Variants in KCNAB1 observed in about 807,000 individuals in gnomAD.
The protein encoded by KCNAB1 is potassium voltage-gated channel subfamily A regulatory beta subunit 1, also known as voltage-gated potassium channel subunit beta-1.
KCNAB1 carries 35 observed loss-of-function variants against 64.6 expected under a neutral mutation model. The observed-to-expected ratio is 0.54, with a 90% CI of 0.41 to 0.72. KCNAB1 has a LOEUF of 0.72. Ranked by LOEUF, KCNAB1 falls within the 30% of genes least tolerant of loss-of-function variation. The probability of loss-of-function intolerance (pLI) is 0.00; values close to 1 mark genes in which losing one functional copy is unlikely to be tolerated. For missense variants in KCNAB1, 401 were observed against 512.9 expected (o/e 0.78, Z 2.11); for synonymous variants, 177 against 183.8 (o/e 0.96, Z 0.30).
At chr3:156,259,379 G>C (rs1014891243) in intron 1 of KCNAB1, among the ~76,000 whole-genome samples, 1 of 152,188 alleles carries the variant, frequency 6.6e-6, no homozygotes, top group Non-Finnish European at 1.5e-5. Flanking sequence ...GGAAGCCTGA[G>C]ATCAAAAGTC....
intron 1 of KCNAB1, among the ~76,000 whole-genome samples, chr3:156,308,594 T>C (rs1721673306): frequency 1.3e-5 from 2 of 152,248 alleles, no homozygotes; most frequent in South Asian, 4.1e-4. Flanking sequence ...GCTTCTCTTC[T>C]GGGGCTGCCC....
intron 2 of KCNAB1, among the ~76,000 whole-genome samples, chr3:156,444,404 G>A (rs191392791): frequency 2.0e-3 from 312 of 152,290 alleles, no homozygotes; most frequent in African/African-American, 7.1e-3. Context: ...CTGAGATTGG[G>A]AGAATTAATG....
At chr3:156,467,327 C>CA (rs924673953) in intron 7 of KCNAB1, among the ~76,000 whole-genome samples, 17 of 151,674 alleles carry the variant, frequency 1.1e-4, no homozygotes, top group Middle Eastern at 3.4e-3. Flanking sequence ...ATCTGTATTT[C>CA]AAAAAAAATC....
intron 1 of KCNAB1, among the ~76,000 whole-genome samples, chr3:156,144,125 C>A (rs1031732802): frequency 1.3e-5 from 2 of 152,148 alleles, no homozygotes; most frequent in Admixed American, 6.5e-5. Flanking sequence ...ATTGCTCCTG[C>A]ACAAGTGCTT....
chr3:156,510,155 A>G (rs1717105500), intron 8 of KCNAB1, among the ~76,000 whole-genome samples: 1 of 152,234 alleles, frequency 6.6e-6, no homozygotes, highest in South Asian at 2.1e-4. Flanking sequence ...TTCAGAGTCA[A>G]AACTAAACAA....
At chr3:156,373,212 C>T (rs1726430495) in intron 1 of KCNAB1, among the ~76,000 whole-genome samples, 1 of 152,136 alleles carries the variant, frequency 6.6e-6, no homozygotes, top group South Asian at 2.1e-4. Flanking sequence ...TTATTTCATC[C>T]CAACACAACA....
rs34730584 is a variant in KCNAB1 at position 156,354,120 on chromosome 3, G to GTATATATATATATATA, written c.276-67488_276-67473dup. Among the ~76,000 whole-genome samples, 159 of 132,536 alleles carry GTATATATATATATATA rather than the reference G, an allele frequency of 1.2e-3. 1 individual carries two copies. Among genetic ancestry groups the GTATATATATATATATA allele is most frequent in the Non-Finnish European group, 1.7e-3 (110 of 63,448 alleles). 86.9% of individuals were successfully genotyped at this position (132,536 alleles called of 152,430 possible). A position where few individuals can be genotyped will look rare whatever the true frequency, so the allele number is the denominator to read the frequency against. On this transcript the variant is annotated intron_variant, in intron 1 of 13. Transcript: ENST00000490337. ...AATATATGTATATATATGTGTGTGT[G>GTATATATATATATATA]TATATATATATATATATATATATGT...
chr3:156,244,645 T>C (rs1717350996), intron 1 of KCNAB1, among the ~76,000 whole-genome samples: 1 of 152,172 alleles, frequency 6.6e-6, no homozygotes, highest in African/African-American at 2.4e-5. Flanking sequence ...ACTCCCCTAA[T>C]ACACTTTTAG....
chr3:156,418,418 CTG>C (rs1715240675), intron 1 of KCNAB1, among the ~76,000 whole-genome samples: 1 of 152,206 alleles, frequency 6.6e-6, no homozygotes, highest in East Asian at 1.9e-4. Context: ...AAACAAGCTG[CTG>C]AACTCATTAG....
chr3:156,176,867 G>T, intron 1 of KCNAB1: 2 of 1,139,214 alleles, frequency 1.8e-6, no homozygotes, highest in Non-Finnish European at 2.7e-6. Context: ...GCTTGACTGG[G>T]ACCAGCGGTA....
intron 1 of KCNAB1, among the ~76,000 whole-genome samples, chr3:156,144,862 A>G (rs866537390): frequency 1.3e-5 from 2 of 152,198 alleles, no homozygotes; most frequent in Non-Finnish European, 2.9e-5. Context: ...TTAAATATCA[A>G]TTACAGATCT....
chr3:156,481,403 C>A (rs1714785058), intron 8 of KCNAB1, among the ~76,000 whole-genome samples: 1 of 145,462 alleles, frequency 6.9e-6, no homozygotes. Flanking sequence ...TGAGCCAAAC[C>A]CAGCCAAGCT....
chr3:156,534,366 A>G (rs532193789), intron 13 of KCNAB1, among the ~76,000 whole-genome samples: 24 of 152,242 alleles, frequency 1.6e-4, no homozygotes, highest in African/African-American at 2.2e-4. Context: ...AGGAGAAACC[A>G]CAGCTGCAGG....
In KCNAB1 at chr3:156,349,036, C is replaced by T. The variant is rs150769117; in HGVS notation, c.276-72580C>T. Reference sequence around the variant, plus strand: ...TCACGCAAGAAACATCCTGGTGTTTCGCAGCAGGAGCTACTGTTTCCCCTA... The same window carrying T: ...TCACGCAAGAAACATCCTGGTGTTTTGCAGCAGGAGCTACTGTTTCCCCTA... On this transcript the variant is annotated intron_variant, in intron 1 of 13. Coordinates refer to ENST00000490337, the MANE Select transcript of KCNAB1 (RefSeq NM_172160.3). 4.3e-3 allele frequency among the ~76,000 whole-genome samples: 651 copies of T among 152,278 alleles called. 17 individuals are homozygous for T. In the South Asian group the frequency reaches 0.077, roughly 18 times the overall value.
In KCNAB1 at chr3:156,143,930, TTTA is replaced by T. The variant is rs1560106041; in HGVS notation, c.275+23047_275+23049del. ...ATTTATTTATTTATTTATTTATTTA[TTTA>T]TTTATTTTTTAAATCAGTGTCACCC... On this transcript the variant is annotated intron_variant, in intron 1 of 13. Transcript: ENST00000490337. 2.6e-5 allele frequency among the ~76,000 whole-genome samples: 4 copies of T among 151,556 alleles called. No homozygotes were observed. In the East Asian group the frequency reaches 7.7e-4, roughly 29 times the overall value.
At chr3:156,175,501 T>C (rs193105746) in intron 1 of KCNAB1, among the ~76,000 whole-genome samples, 79 of 152,194 alleles carry the variant, frequency 5.2e-4, no homozygotes, top group African/African-American at 1.7e-3. Flanking sequence ...GTGCCTGTAG[T>C]CCCAGCTACT....
At chr3:156,467,335 A>G (rs561539047) in intron 7 of KCNAB1, among the ~76,000 whole-genome samples, 1 of 152,278 alleles carries the variant, frequency 6.6e-6, no homozygotes, top group African/African-American at 2.4e-5. Context: ...TTCAAAAAAA[A>G]TCCAAGAATT....
intron 1 of KCNAB1, among the ~76,000 whole-genome samples, chr3:156,395,146 C>T (rs937148674): frequency 1.6e-4 from 24 of 152,166 alleles, no homozygotes; most frequent in African/African-American, 5.6e-4. Flanking sequence ...CAAGTGCTCA[C>T]CATACATAGT....
At chr3:156,154,673 C>T (rs548967301) in intron 1 of KCNAB1, among the ~76,000 whole-genome samples, 3 of 152,274 alleles carry the variant, frequency 2.0e-5, no homozygotes, top group African/African-American at 7.2e-5. Flanking sequence ...CAGGCTGGTC[C>T]TTGGTGGTAT....
Sources: allele counts gnomAD v4.1 joint callset (sites outside exome capture counted in the v4.1 genomes callset), GRCh38; gene constraint gnomAD v4.1.1; transcripts MANE v1.5; gene names NCBI Gene and HGNC (gene_info 2026-07-23, HGNC 2026-07-21).